KIF14: variants seen among roughly 807,000 people sequenced by gnomAD.
KIF14 encodes kinesin family member 14.
KIF14 carries 98 observed loss-of-function variants against 176.2 expected under a neutral mutation model. That is an observed-to-expected ratio of 0.56 (90% CI 0.47 to 0.66). The LOEUF (loss-of-function observed/expected upper bound fraction) is 0.66. KIF14 is among the 30% of genes least tolerant of loss of function. The pLI, the probability that KIF14 is intolerant of heterozygous loss-of-function variation, is 0.00. For missense variants in KIF14, 1,751 were observed against 1,920.4 expected, an observed-to-expected ratio of 0.91 and a Z score of 1.65; for synonymous variants, 566 against 632.2, an observed-to-expected ratio of 0.90 and a Z score of 1.57.
Position 200,600,088 on chromosome 1 carries a change from C to G in KIF14, c.2326G>C (p.Ala776Pro), listed in dbSNP as rs763562434. The change falls in exon 13 of 30, where the codon GCT becomes CCT. Residue 776 changes from alanine to proline, a missense_variant. Physicochemically the swap from Ala to Pro is conservative, Grantham distance 27 (BLOSUM62 -1). Coordinates refer to ENST00000367350, the MANE Select transcript of KIF14 (RefSeq NM_014875.3). ...QRVWKEKFEQAEKRKLQETKE... is the reference protein window; with the variant it reads ...QRVWKEKFEQPEKRKLQETKE... ...GTTTCTTGAAGTTTTCTTTTTTCAG[C>G]TTGTTCAAACTTTTCTTTCCACACT... The G allele has an allele frequency of 1.9e-6, 3 of 1,599,654 alleles. No individual in the cohort carries two copies. The East Asian group carries it at 6.7e-5, about 36-fold the overall frequency.
chr1:200,554,767 C>T (rs1250481823), intron 28 of KIF14, among the ~76,000 whole-genome samples, 161 bp from the exon 29 acceptor site: 7 of 152,092 alleles, frequency 4.6e-5, no homozygotes. Context: ...GACCAAAATA[C>T]AATAGTAATT....
intron 27 of KIF14, among the ~76,000 whole-genome samples, chr1:200,556,516 A>T (rs1394968267): frequency 1.3e-5 from 2 of 152,220 alleles, no homozygotes; most frequent in Non-Finnish European, 1.5e-5. Flanking sequence ...GGTTTGTCAT[A>T]CTATAGAAAG....
chr1:200,586,215 G>A lies in KIF14; in HGVS notation c.3127C>T (p.His1043Tyr), dbSNP rs763872222. ...TLATKQALED[H>Y]SIRHARILEA... ...AGAATTCTTGCATGGCGGATGCTAT[G>A]GTCTTCTAAAGCCTAATTGATATTC... Residue 1043 changes from histidine to tyrosine, a missense_variant, in exon 19 of 30, where the codon CAT becomes TAT. By Grantham distance (83) the His-to-Tyr change is moderately conservative. Coordinates refer to ENST00000367350, the MANE Select transcript of KIF14 (RefSeq NM_014875.3). 5.0e-6 allele frequency: 8 copies of A among 1,595,798 alleles called. No individual in the cohort carries two copies. Among genetic ancestry groups the A allele is most frequent in the Non-Finnish European group, 6.8e-6 (8 of 1,168,986 alleles).
chr1:200,592,138 C>G lies in KIF14; in HGVS notation c.2755G>C (p.Glu919Gln), dbSNP rs1193173344. 1 of 1,613,832 alleles carries G rather than the reference C, an allele frequency of 6.2e-7. No individual in the cohort carries two copies. Among genetic ancestry groups the G allele is most frequent in the South Asian group, 1.1e-5 (1 of 91,056 alleles). ...RPSGRDTPIS[E>Q]GPKDFEFAKN... The stretch of plus-strand genomic sequence containing the variant: ...GCAAATTCAAAGTCTTTTGGACCCT[C>G]ACTTATAGGAGTATCTCTTCCAGAT... Residue 919 changes from glutamate (E) to glutamine (Q), a missense_variant, in exon 16 of 30, where the codon GAG becomes CAG. Physicochemically the swap from Glu to Gln is conservative, Grantham distance 29. Transcript: ENST00000367350.
chr1:200,596,727 G>A (rs1007722671), intron 14 of KIF14, among the ~76,000 whole-genome samples: 2 of 151,462 alleles, frequency 1.3e-5, no homozygotes, highest in Non-Finnish European at 2.9e-5. Flanking sequence ...ACCATGCCGG[G>A]CTAATTTTTG....
At chr1:200,579,523 C>T (rs1658328014) in intron 21 of KIF14, among the ~76,000 whole-genome samples, 1 of 151,942 alleles carries the variant, frequency 6.6e-6, no homozygotes, top group Admixed American at 6.6e-5. Context: ...GCAAGAGAAT[C>T]GCTTGAACCC....
chr1:200,600,329 A>T, intron 12 of KIF14, 27 bp downstream of exon 12: 1 of 1,607,936 alleles, frequency 6.2e-7, no homozygotes, highest in Admixed American at 1.7e-5. Context: ...AACACACTTA[A>T]CATTTAGAGT....
chr1:200,586,137 G>C lies in KIF14; in HGVS notation c.3205C>G (p.Gln1069Glu). ...TTATCCCTATTATTCCGATTCTGCT[G>C]TAGAATTTGTACTTCTTTAGCAATT... ...QKIAKEVQIL[Q>E]QNRNNRDKTF... The change falls in exon 19 of 30, where the codon CAG becomes GAG. Residue 1069 changes from glutamine to glutamate, a missense_variant. Coordinates refer to ENST00000367350, the MANE Select transcript of KIF14 (RefSeq NM_014875.3). 1 of 1,596,546 alleles carries C rather than the reference G, an allele frequency of 6.3e-7. No individual in the cohort carries two copies. Among genetic ancestry groups the C allele is most frequent in the Non-Finnish European group, 8.6e-7 (1 of 1,169,004 alleles).
In KIF14 at chr1:200,553,268, C is replaced by T. The variant is rs1656644166; in HGVS notation, c.*120G>A. On this transcript the variant is annotated 3_prime_UTR_variant, in exon 30 of 30. Coordinates refer to ENST00000367350, the MANE Select transcript of KIF14 (RefSeq NM_014875.3). ...AATAGATATTTTAAAGATAAAAAGA[C>T]ATGGACTTTTTTGAAATATCTGTGC... is the stretch of plus-strand genomic sequence containing the variant. The T allele has an allele frequency of 4.7e-6, 5 of 1,053,434 alleles. No homozygotes were observed. Among genetic ancestry groups the T allele is most frequent in the Non-Finnish European group, 6.8e-6 (5 of 739,936 alleles). The allele number at this position is 1,053,434 out of a possible 1,614,324, so 65.3% of individuals were successfully genotyped here. A position where few individuals can be genotyped will look rare whatever the true frequency, so the allele number is the denominator to read the frequency against.
chr1:200,598,495 C>G (rs1659474243), intron 13 of KIF14, 74 bp from the exon 14 acceptor site: 3 of 985,100 alleles, frequency 3.0e-6, no homozygotes, highest in Non-Finnish European at 4.5e-6. Flanking sequence ...AACAAATGGT[C>G]TATATTAAAC....
intron 15 of KIF14, among the ~76,000 whole-genome samples, chr1:200,593,303 A>G (rs1054477455): frequency 6.6e-6 from 1 of 152,212 alleles, no homozygotes; most frequent in South Asian, 2.1e-4. Flanking sequence ...ATTATTAATA[A>G]TGATCTCAAA....
chr1:200,592,637 G>A (rs1030213709), intron 15 of KIF14, among the ~76,000 whole-genome samples: 28 of 152,262 alleles, frequency 1.8e-4, no homozygotes, highest in African/African-American at 6.3e-4. Context: ...GCCTCCCAAC[G>A]TTTATTACTT....
intron 4 of KIF14, among the ~76,000 whole-genome samples, chr1:200,612,140 T>G (rs541007957): frequency 6.6e-6 from 1 of 152,040 alleles, no homozygotes; most frequent in East Asian, 1.9e-4. Flanking sequence ...ATAGCTAGGA[T>G]TACAGGCGCC....
chr1:200,583,826 C>A (rs1187412299), intron 19 of KIF14, among the ~76,000 whole-genome samples: 2 of 151,750 alleles, frequency 1.3e-5, no homozygotes, highest in South Asian at 4.2e-4. Flanking sequence ...CCTGTAATCC[C>A]AGCTACTCAG....
At chr1:200,581,895 A>G (rs912186197) in intron 19 of KIF14, among the ~76,000 whole-genome samples, 3 of 151,088 alleles carry the variant, frequency 2.0e-5, no homozygotes, top group Non-Finnish European at 4.4e-5. Flanking sequence ...TCAGCCTTCC[A>G]AGTAGCTGGA....
intron 26 of KIF14, 52 bp from the exon 27 acceptor site, chr1:200,559,504 AATTT>A (rs780138028): frequency 1.4e-5 from 14 of 1,027,852 alleles, no homozygotes; most frequent in Non-Finnish European, 1.3e-5. Context: ...TATGTATTTT[AATTT>A]ATTTAAATTT....
chr1:200,579,624 A>C (rs1033677173), intron 21 of KIF14, among the ~76,000 whole-genome samples: 1 of 151,898 alleles, frequency 6.6e-6, no homozygotes, highest in African/African-American at 2.4e-5. Flanking sequence ...AAATATATAT[A>C]TATATATTTG....
At position 200,600,423 on chromosome 1, in the gene KIF14, G is replaced by A. The variant is rs146095892; in HGVS notation, c.2233C>T (p.Arg745Trp). 1.1e-5 allele frequency: 18 copies of A among 1,613,466 alleles called. No individual in the cohort carries two copies. Among genetic ancestry groups the A allele is most frequent in the African/African-American group, 9.3e-5 (7 of 74,880 alleles). The change falls in exon 12 of 30, where the codon CGG (arginine) becomes TGG (tryptophan). Residue 745 changes from arginine to tryptophan, a missense_variant. Physicochemically the swap from Arg to Trp is moderately radical, Grantham distance 101 (BLOSUM62 -3). Transcript: ENST00000367350. ...ATTCTTAAGGATGTTATTTCTTGCCGACAGAGCCTGTATCGTTCAGGGTCA... is the reference window on the plus strand; with the variant it reads ...ATTCTTAAGGATGTTATTTCTTGCCAACAGAGCCTGTATCGTTCAGGGTCA... The part of the protein sequence containing the change: ...NIDPERYRLC[R>W]QEITSLRMKL...
In KIF14 at chr1:200,553,191, C is replaced by A. The variant is rs1057093936; in HGVS notation, c.*197G>T. ...ACTCCTGACCTTGTGATCTGCCCGC[C>A]TCCCAAAGTGCTGGGATTACAGGCG... On this transcript the variant is annotated 3_prime_UTR_variant, in exon 30 of 30. Transcript: ENST00000367350. 2.2e-6 allele frequency: 1 copy of A among 446,696 alleles called. No homozygotes were observed. The highest frequency in any genetic ancestry group is 3.7e-6 in the Non-Finnish European group (1 of 268,354). 27.7% of individuals were successfully genotyped at this position (446,696 alleles called of 1,614,324 possible). A position where few individuals can be genotyped will look rare whatever the true frequency, so the allele number is the denominator to read the frequency against.
Sources: gnomAD v4.1 joint callset for allele counts (sites outside exome capture counted in the v4.1 genomes callset) on GRCh38, gnomAD v4.1.1 for gene constraint, MANE v1.5 for transcripts, NCBI Gene and HGNC (gene_info 2026-07-23, HGNC 2026-07-21) for gene names.